Variants in ULK4 observed in about 807,000 individuals in gnomAD.
ULK4 encodes the protein unc-51 like kinase 4.
Under a neutral mutation model 160.6 loss-of-function variants are expected in ULK4, and 133 were observed. That is an observed-to-expected ratio of 0.83 (90% CI 0.72 to 0.96). The LOEUF (loss-of-function observed/expected upper bound fraction) is 0.96. Among genes scored for constraint, ULK4 ranks in the 40% least tolerant of loss-of-function variants. The probability of loss-of-function intolerance (pLI) is 0.00; values close to 1 mark genes in which losing one functional copy is unlikely to be tolerated. For synonymous variants in ULK4, 534 were observed against 539.8 expected, an observed-to-expected ratio of 0.99 and a Z score of 0.15; for missense variants, 1,580 against 1,499.5, an observed-to-expected ratio of 1.05 and a Z score of -0.89.
intron 22 of ULK4, among the ~76,000 whole-genome samples, chr3:41,721,444 T>C (rs1237841507): frequency 2.1e-5 from 3 of 143,892 alleles, no homozygotes; most frequent in Admixed American, 7.2e-5. Context: ...CTCGGTTCAA[T>C]GCAACCTCTG....
intron 21 of ULK4, among the ~76,000 whole-genome samples, chr3:41,783,471 G>C (rs985868575): frequency 2.0e-5 from 3 of 151,770 alleles, no homozygotes; most frequent in African/African-American, 7.3e-5. Context: ...AGGAGGCGAA[G>C]GTTGCAGTGA....
chr3:41,527,447 G>C (rs1023713559), intron 32 of ULK4, among the ~76,000 whole-genome samples: 3 of 152,228 alleles, frequency 2.0e-5, no homozygotes, highest in African/African-American at 7.2e-5. Flanking sequence ...GTAAGACAAT[G>C]GTGAGTGGGT....
chr3:41,505,790 T>C lies in ULK4; in HGVS notation c.3227-42537A>G, dbSNP rs139478908. On this transcript the variant is annotated intron_variant, in intron 32 of 36. Coordinates refer to ENST00000301831, the MANE Select transcript of ULK4 (RefSeq NM_017886.4). ...AGTTTTATTTCTTCCTTTCTACTTT[T>C]AATGCATCTATTTCTTTTTCTTAAC... Among the ~76,000 whole-genome samples the C allele has an allele frequency of 4.1e-4, 63 of 152,270 alleles. No homozygotes were observed. In the East Asian group the frequency reaches 0.012, roughly 28 times the overall value.
At chr3:41,363,772 T>C (rs2081195420) in intron 35 of ULK4, among the ~76,000 whole-genome samples, 1 of 152,240 alleles carries the variant, frequency 6.6e-6, no homozygotes, top group African/African-American at 2.4e-5. Flanking sequence ...GATGGCTTTC[T>C]CTGTGACAAG....
At chr3:41,714,750 G>C (rs547753244) in intron 25 of ULK4, among the ~76,000 whole-genome samples, 1 of 151,702 alleles carries the variant, frequency 6.6e-6, no homozygotes, top group Admixed American at 6.6e-5. Context: ...CACTGTGGGG[G>C]CTGGGTCAGG....
chr3:41,790,648 T>G (rs1324320856), intron 20 of ULK4, among the ~76,000 whole-genome samples: 1 of 152,198 alleles, frequency 6.6e-6, no homozygotes, highest in Non-Finnish European at 1.5e-5. Flanking sequence ...AGTATTCACA[T>G]GGAGACATAA....
intron 30 of ULK4, among the ~76,000 whole-genome samples, chr3:41,638,854 T>C (rs2034065275): frequency 1.3e-5 from 2 of 152,228 alleles, no homozygotes; most frequent in Non-Finnish European, 2.9e-5. Flanking sequence ...TTCTACTTAG[T>C]AGACTGCCAG....
intron 25 of ULK4, among the ~76,000 whole-genome samples, chr3:41,708,177 C>CATATATAT (rs151064663): frequency 0.031 from 4,703 of 149,962 alleles, 227 homozygotes; most frequent in African/African-American, 0.1. Context: ...AATACATATA[C>CATATATAT]ATATATATAT....
intron 12 of ULK4, among the ~76,000 whole-genome samples, chr3:41,901,169 CTTCTTTTT>C (rs1698339100): frequency 2.1e-5 from 2 of 95,744 alleles, no homozygotes; most frequent in Non-Finnish European, 4.4e-5. Context: ...AACAGCATGG[CTTCTTTTT>C]TTTTTTTTTT....
At chr3:41,719,372 T>C (rs1345565140) in intron 22 of ULK4, among the ~76,000 whole-genome samples, 1 of 152,176 alleles carries the variant, frequency 6.6e-6, no homozygotes, top group African/African-American at 2.4e-5. Context: ...TCAAATACGG[T>C]ATCTAAGTTA....
Position 41,246,961 on chromosome 3 carries a change from C to T in ULK4, c.3796G>A (p.Ala1266Thr), listed in dbSNP as rs1413162341. The part of the protein sequence containing the change: ...SFADSAVAPL[A>T]LEILQAVGH Reference sequence around the variant, plus strand: ...CCAACGGCTTGGAGGATTTCCAGGGCCAAGGGAGCCACCGCACTGTCGGCA... The same window carrying T: ...CCAACGGCTTGGAGGATTTCCAGGGTCAAGGGAGCCACCGCACTGTCGGCA... The change falls in exon 37 of 37, where the codon GCC becomes ACC. Residue 1266 changes from alanine (A) to threonine (T), a missense_variant. By Grantham distance (58) the Ala-to-Thr change is moderately conservative. Coordinates refer to ENST00000301831, the MANE Select transcript of ULK4 (RefSeq NM_017886.4). 1.2e-6 allele frequency: 2 copies of T among 1,613,688 alleles called. No individual in the cohort carries two copies. Among genetic ancestry groups the T allele is most frequent in the Admixed American group, 3.3e-5 (2 of 59,966 alleles).
At chr3:41,323,718 A>G (rs2080289704) in intron 35 of ULK4, among the ~76,000 whole-genome samples, 1 of 152,096 alleles carries the variant, frequency 6.6e-6, no homozygotes, top group Non-Finnish European at 1.5e-5. Context: ...GAGTGCTTAC[A>G]GATGGAGTAA....
At chr3:41,826,440 C>T (rs1329953684) in intron 18 of ULK4, among the ~76,000 whole-genome samples, 1 of 144,528 alleles carries the variant, frequency 6.9e-6, no homozygotes, top group Non-Finnish European at 1.5e-5. Flanking sequence ...CACACATAAG[C>T]TCAAAATAAA....
intron 32 of ULK4, among the ~76,000 whole-genome samples, chr3:41,505,883 T>C (rs2085356532): frequency 6.6e-6 from 1 of 152,182 alleles, no homozygotes; most frequent in Admixed American, 6.5e-5. Flanking sequence ...ATCTTTGTCT[T>C]GCTCCCAATT....
At chr3:41,940,085 T>TA (rs1699904106) in intron 2 of ULK4, among the ~76,000 whole-genome samples, 1 of 151,954 alleles carries the variant, frequency 6.6e-6, no homozygotes, top group Non-Finnish European at 1.5e-5. Flanking sequence ...GCTTGAAACT[T>TA]ACACCTGTTT....
chr3:41,810,313 G>A (rs1007847557), intron 19 of ULK4, among the ~76,000 whole-genome samples: 1 of 152,108 alleles, frequency 6.6e-6, no homozygotes, highest in African/African-American at 2.4e-5. Context: ...CATTAGTTTT[G>A]ACATGCAGTG....
chr3:41,690,028 C>T (rs1351897250), intron 27 of ULK4, among the ~76,000 whole-genome samples: 1 of 148,350 alleles, frequency 6.7e-6, no homozygotes, highest in Non-Finnish European at 1.5e-5. Context: ...ATAGCAAAGA[C>T]TTGGAACCAA....
At chr3:41,688,264 G>A (rs2036164245) in intron 27 of ULK4, among the ~76,000 whole-genome samples, 1 of 150,056 alleles carries the variant, frequency 6.7e-6, no homozygotes, top group Admixed American at 6.7e-5. Flanking sequence ...CTTTCTCAAA[G>A]ATGGTATAGC....
chr3:41,641,842 A>T, intron 30 of ULK4, among the ~76,000 whole-genome samples: 1 of 151,874 alleles, frequency 6.6e-6, no homozygotes, highest in African/African-American at 2.4e-5. Flanking sequence ...TAAAAAAAAA[A>T]AGGAGCTCAT....
Sources: gnomAD v4.1 joint callset for allele counts (sites outside exome capture counted in the v4.1 genomes callset) on GRCh38, gnomAD v4.1.1 for gene constraint, MANE v1.5 for transcripts, NCBI Gene and HGNC (gene_info 2026-07-23, HGNC 2026-07-21) for gene names.